MAGI2: variants seen among roughly 807,000 people sequenced by gnomAD.
MAGI2 encodes the protein membrane-associated guanylate kinase, WW and PDZ domain-containing protein 2.
In MAGI2, 35 loss-of-function variants were observed where a neutral mutation model predicts 133.3. The ratio of observed to expected loss-of-function variants is 0.26; its 90% CI spans 0.20 to 0.35. The LOEUF is 0.35. MAGI2 is among the 10% of genes least tolerant of loss of function. The pLI is 1.00. For synonymous variants in MAGI2, 729 were observed against 710.6 expected, an observed-to-expected ratio of 1.03 and a Z score of -0.41; for missense variants, 1,636 against 1,863.4, an observed-to-expected ratio of 0.88 and a Z score of 2.25.
intron 1 of MAGI2, among the ~76,000 whole-genome samples, chr7:79,147,944 A>G (rs1822810003): frequency 6.6e-6 from 1 of 152,170 alleles, no homozygotes; most frequent in South Asian, 2.1e-4. Flanking sequence ...ATCCACTGAC[A>G]TAAATTATGA....
chr7:78,896,424 C>T (rs1797218622), intron 2 of MAGI2, among the ~76,000 whole-genome samples: 1 of 151,504 alleles, frequency 6.6e-6, no homozygotes, highest in African/African-American at 2.4e-5. Flanking sequence ...AGGTAAAGCT[C>T]CTCATTGTAA....
intron 21 of MAGI2, among the ~76,000 whole-genome samples, chr7:78,062,798 C>T (rs1035969445): frequency 2.0e-5 from 3 of 152,154 alleles, no homozygotes; most frequent in Non-Finnish European, 2.9e-5. Context: ...TCTCTCAGGC[C>T]TCTGAAGCTC....
chr7:79,347,411 T>C lies in MAGI2; in HGVS notation c.301+105609A>G, dbSNP rs191367839. On this transcript the variant is annotated intron_variant, in intron 1 of 21. Coordinates refer to ENST00000354212, the MANE Select transcript of MAGI2 (RefSeq NM_012301.4). ...TAATCCCATGATTCTTTCTGTGTTA[T>C]CTTTTCTTCTTTGCCTCTGCCACAC... Among the ~76,000 whole-genome samples the C allele has an allele frequency of 1.4e-3, 210 of 152,028 alleles. 1 individual carries two copies. The highest frequency in any genetic ancestry group is 7.3e-3 in the South Asian group (35 of 4,824).
At chr7:78,756,307 G>T (rs1823940244) in intron 2 of MAGI2, among the ~76,000 whole-genome samples, 2 of 152,140 alleles carry the variant, frequency 1.3e-5, no homozygotes, top group South Asian at 4.1e-4. Flanking sequence ...AGACTGAAGT[G>T]GTTCTATCAT....
chr7:79,316,673 AC>A (rs1050451321), intron 1 of MAGI2, among the ~76,000 whole-genome samples: 1 of 152,158 alleles, frequency 6.6e-6, no homozygotes, highest in African/African-American at 2.4e-5. Context: ...TAATTTTGAG[AC>A]TAATGTTGTA....
At chr7:78,863,301 G>A (rs1187082461) in intron 2 of MAGI2, among the ~76,000 whole-genome samples, 1 of 152,212 alleles carries the variant, frequency 6.6e-6, no homozygotes, top group African/African-American at 2.4e-5. Flanking sequence ...TTGTAGAGGA[G>A]TTTATTTAGC....
At chr7:78,500,104 C>G (rs1794486562) in intron 5 of MAGI2, among the ~76,000 whole-genome samples, 1 of 152,106 alleles carries the variant, frequency 6.6e-6, no homozygotes, top group Admixed American at 6.6e-5. Flanking sequence ...CATTGTGTTT[C>G]TCATCTATGT....
chr7:78,677,992 C>T (rs1243579652), intron 2 of MAGI2, among the ~76,000 whole-genome samples: 3 of 151,936 alleles, frequency 2.0e-5, no homozygotes. Context: ...CAGAAAACTT[C>T]CAAGAAAGGG....
intron 9 of MAGI2, among the ~76,000 whole-genome samples, chr7:78,286,567 A>AG (rs1796161564): frequency 6.6e-6 from 1 of 152,154 alleles, no homozygotes; most frequent in African/African-American, 2.4e-5. Context: ...TGTAAAGGCA[A>AG]GGCATGGTCT....
chr7:79,289,247 C>T (rs1470214378), intron 1 of MAGI2, among the ~76,000 whole-genome samples: 1 of 152,138 alleles, frequency 6.6e-6, no homozygotes, highest in African/African-American at 2.4e-5. Context: ...TCTCATTAAG[C>T]TCTGCTTTGT....
At chr7:78,889,909 C>T (rs918685178) in intron 2 of MAGI2, among the ~76,000 whole-genome samples, 2 of 152,142 alleles carry the variant, frequency 1.3e-5, no homozygotes, top group African/African-American at 4.8e-5. Flanking sequence ...AGGCTAAATG[C>T]TCCAATTAAA....
intron 1 of MAGI2, among the ~76,000 whole-genome samples, chr7:79,386,094 T>C (rs546563092): frequency 6.9e-6 from 1 of 144,862 alleles, no homozygotes; most frequent in Non-Finnish European, 1.5e-5. Flanking sequence ...AATTTTAATA[T>C]AGAACAAAAA....
intron 6 of MAGI2, among the ~76,000 whole-genome samples, chr7:78,478,941 T>G (rs1276307597): frequency 3.3e-5 from 5 of 151,864 alleles, no homozygotes; most frequent in Admixed American, 3.3e-4. Flanking sequence ...GGGGGCAGCC[T>G]TTTTCCTGAC....
At chr7:78,613,547 A>C (rs1255664343) in intron 3 of MAGI2, among the ~76,000 whole-genome samples, 1 of 152,242 alleles carries the variant, frequency 6.6e-6, no homozygotes, top group Non-Finnish European at 1.5e-5. Context: ...GATTCTCAGA[A>C]GAAAGCAAAG....
At chr7:78,033,192 G>A (rs1809777266) in intron 21 of MAGI2, among the ~76,000 whole-genome samples, 1 of 152,082 alleles carries the variant, frequency 6.6e-6, no homozygotes, top group Non-Finnish European at 1.5e-5. Context: ...AGACTAGAGT[G>A]GACCTGCTGA....
chr7:78,194,461 C>T (rs768317174), intron 12 of MAGI2, among the ~76,000 whole-genome samples: 1 of 151,976 alleles, frequency 6.6e-6, no homozygotes, highest in Non-Finnish European at 1.5e-5. Context: ...ACAATTTACT[C>T]AAGGTCCTAA....
At chr7:78,282,168 A>C (rs1795672232) in intron 9 of MAGI2, among the ~76,000 whole-genome samples, 1 of 141,186 alleles carries the variant, frequency 7.1e-6, no homozygotes, top group African/African-American at 3.0e-5. Context: ...GGATTTAAAA[A>C]GAAGCTTTGG....
chr7:78,238,584 C>T (rs1276872322), intron 10 of MAGI2, among the ~76,000 whole-genome samples: 1 of 152,064 alleles, frequency 6.6e-6, no homozygotes, highest in Non-Finnish European at 1.5e-5. Context: ...CCCATCATGT[C>T]CATCAGTAAA....
chr7:79,308,573 T>A (rs955914912), intron 1 of MAGI2, among the ~76,000 whole-genome samples: 1 of 152,114 alleles, frequency 6.6e-6, no homozygotes, highest in Non-Finnish European at 1.5e-5. Context: ...CACAAACAAA[T>A]AAAAGAACAA....
Sources: allele counts gnomAD v4.1 joint callset (sites outside exome capture counted in the v4.1 genomes callset), GRCh38; gene constraint gnomAD v4.1.1; transcripts MANE v1.5; gene names NCBI Gene and HGNC (gene_info 2026-07-23, HGNC 2026-07-21).